The following ABCA4 variants were observed in gnomAD, a reference collection of about 807,000 sequenced individuals.
ABCA4 encodes retinal-specific phospholipid-transporting ATPase ABCA4.
ABCA4 carries 196 observed loss-of-function variants against 263.7 expected under a neutral mutation model. That is an observed-to-expected ratio of 0.74 (90% CI 0.66 to 0.84). The LOEUF (loss-of-function observed/expected upper bound fraction) is 0.84, where lower values mean the gene tolerates loss of function less well. Among genes scored for constraint, ABCA4 ranks in the 40% least tolerant of loss-of-function variants. The probability of loss-of-function intolerance (pLI) is 0.00; values close to 1 mark genes in which losing one functional copy is unlikely to be tolerated. For missense variants in ABCA4, 2,792 were observed against 2,855.1 expected, an observed-to-expected ratio of 0.98 and a Z score of 0.50; for synonymous variants, 1,133 against 1,094.2, an observed-to-expected ratio of 1.04 and a Z score of -0.70.
At chr1:94,061,313 A>C (rs980382287) in intron 13 of ABCA4, 1 of 176,122 alleles carries the variant, frequency 5.7e-6, no homozygotes, top group African/African-American at 2.4e-5. Context: ...CCATCAATAC[A>C]TCAGTTATCC....
chr1:94,036,640 A>C, intron 26 of ABCA4, 100 bp downstream of exon 26: 1 of 1,321,710 alleles, frequency 7.6e-7, no homozygotes, highest in South Asian at 1.2e-5. Flanking sequence ...AATTGCTGGG[A>C]TTACAGGCAT....
chr1:94,035,701 G>T (rs567544161), intron 26 of ABCA4, among the ~76,000 whole-genome samples: 1 of 152,344 alleles, frequency 6.6e-6, no homozygotes, highest in East Asian at 1.9e-4. Context: ...TCGCTGCAAA[G>T]CTTTGCCTGT....
chr1:94,018,057 G>A (rs570837879), intron 36 of ABCA4, among the ~76,000 whole-genome samples: 197 of 152,260 alleles, frequency 1.3e-3, no homozygotes, highest in Non-Finnish European at 2.4e-3. Context: ...GCATCAGAAA[G>A]CCTGCTAACA....
chr1:93,996,114 C>T lies in ABCA4; in HGVS notation c.6811G>A (p.Ala2271Thr). 1 of 1,613,914 alleles carries T rather than the reference C, an allele frequency of 6.2e-7. No homozygotes were observed. Among genetic ancestry groups the T allele is most frequent in the East Asian group, 2.2e-5 (1 of 44,876 alleles). ...HPRAAGASRQAQD is the reference protein window; with the variant it reads ...HPRAAGASRQTQD ...TGCATAAGCAGCAGGGGTACCTGGG[C>T]TTGTCGACTGGCTCCAGCAGCTCGA... The change falls in exon 49 of 50, where the codon GCC becomes ACC. Residue 2271 changes from alanine (A) to threonine (T), a missense_variant. Physicochemically the swap from Ala to Thr is moderately conservative, Grantham distance 58. Transcript: ENST00000370225.
At chr1:94,029,729 TAGACCC>T in intron 29 of ABCA4, 98 bp from the exon 30 acceptor site, 1 of 1,156,884 alleles carries the variant, frequency 8.6e-7, no homozygotes, top group Non-Finnish European at 1.3e-6. Context: ...TCCTCCTCTT[TAGACCC>T]AGGCCCTTTC....
Position 94,041,414 on chromosome 1 carries a change from G to A in ABCA4, c.3329-12C>T. The A allele has an allele frequency of 6.2e-7, 1 of 1,613,222 alleles. No individual in the cohort carries two copies. Among genetic ancestry groups the A allele is most frequent in the Non-Finnish European group, 8.5e-7 (1 of 1,179,972 alleles). On this transcript the variant is annotated splice_polypyrimidine_tract_variant and intron_variant, in intron 22 of 49. Coordinates refer to ENST00000370225, the MANE Select transcript of ABCA4 (RefSeq NM_000350.3). ...GATGATGGTTCTGCCTGCAAGGTAG[G>A]GGCCAGGGCAATCACCAGGCCTGCC...
At chr1:94,112,855 G>C (rs1358933652) in intron 2 of ABCA4, 118 bp downstream of exon 2, 1 of 783,924 alleles carries the variant, frequency 1.3e-6, no homozygotes. Flanking sequence ...ATGCATCATA[G>C]ACATGAAATG....
intron 4 of ABCA4, 96 bp from the exon 5 acceptor site, chr1:94,103,238 C>G: frequency 1.4e-6 from 2 of 1,481,098 alleles, no homozygotes; most frequent in Middle Eastern, 1.7e-4. Flanking sequence ...TGTAACTCAA[C>G]TCTCAGAGGA....
chr1:94,004,804 A>G (rs890663897), intron 44 of ABCA4, among the ~76,000 whole-genome samples: 4 of 152,086 alleles, frequency 2.6e-5, no homozygotes, highest in Non-Finnish European at 5.9e-5. Context: ...TTGATCACCA[A>G]ATTCATTGTT....
intron 24 of ABCA4, 97 bp from the exon 25 acceptor site, chr1:94,037,447 G>T: frequency 9.1e-7 from 1 of 1,098,324 alleles, no homozygotes; most frequent in Non-Finnish European, 1.4e-6. Flanking sequence ...CTTCCCCTTT[G>T]AAGAAGAGGT....
At chr1:94,091,716 G>A (rs1184273724) in intron 6 of ABCA4, among the ~76,000 whole-genome samples, 2 of 152,016 alleles carry the variant, frequency 1.3e-5, no homozygotes, top group South Asian at 2.1e-4. Context: ...ACTGCCAGCC[G>A]AAGTTCAAGG....
chr1:94,046,240 C>T lies in ABCA4; in HGVS notation c.2918+679G>A, dbSNP rs144016328. ...GGCAGATCACCTGAGGTCAGGAGTT[C>T]GAGACCAGCCTGGCCAACATGGTGA... On this transcript the variant is annotated intron_variant, in intron 19 of 49. Transcript: ENST00000370225. 6.9e-3 allele frequency among the ~76,000 whole-genome samples: 942 copies of T among 136,104 alleles called. 10 individuals are homozygous for T. The highest frequency in any genetic ancestry group is 0.024 in the African/African-American group (864 of 36,284). 89.3% of individuals were successfully genotyped at this position (136,104 alleles called of 152,430 possible).
At position 94,021,303 on chromosome 1, in the gene ABCA4, T is replaced by C; in HGVS notation, c.4955A>G (p.Tyr1652Cys). 3 of 1,614,222 alleles carry C rather than the reference T, an allele frequency of 1.9e-6. No homozygotes were observed. The highest frequency in any genetic ancestry group is 2.5e-6 in the Non-Finnish European group (3 of 1,180,044). The part of the protein sequence containing the change: ...SLPKDRSPEE[Y>C]GITVISQPLN... ...GGGTTGGCTAATGACGGTGATTCCA[T>C]ACTCCTCGGGGCTCCTGTCCTTAGG... The change falls in exon 35 of 50, where the codon TAT becomes TGT. Residue 1652 changes from tyrosine to cysteine, a missense_variant. Physicochemically the swap from Tyr to Cys is radical, Grantham distance 194. Transcript: ENST00000370225.
At chr1:94,047,911 T>C (rs1660731073) in intron 18 of ABCA4, among the ~76,000 whole-genome samples, 1 of 152,222 alleles carries the variant, frequency 6.6e-6, no homozygotes, top group Admixed American at 6.5e-5. Flanking sequence ...TAATTTGTCA[T>C]CTTAATACTG....
chr1:94,037,936 A>G (rs1660387541), intron 24 of ABCA4, among the ~76,000 whole-genome samples: 1 of 152,076 alleles, frequency 6.6e-6, no homozygotes, highest in South Asian at 2.1e-4. Context: ...AGTTGTTTTC[A>G]TTTTTCTGGT....
rs915630885 is a variant in ABCA4 at position 94,102,964 on chromosome 1, CT to C, written c.570+50del. 2.5e-6 allele frequency: 4 copies of C among 1,613,242 alleles called. No individual in the cohort carries two copies. In the African/African-American group the frequency reaches 5.3e-5, roughly 22 times the overall value. On this transcript the variant is annotated intron_variant, in intron 5 of 49. Coordinates refer to ENST00000370225, the MANE Select transcript of ABCA4 (RefSeq NM_000350.3). ...CAATATATTTCTTGCCTTTCTCAGG[CT>C]GGGTGCTTCCCTCCCCTCCAGGGAC... is the stretch of plus-strand genomic sequence containing the variant.
intron 4 of ABCA4, among the ~76,000 whole-genome samples, chr1:94,107,248 CT>C (rs1459926592): frequency 2.0e-5 from 3 of 152,176 alleles, no homozygotes; most frequent in Non-Finnish European, 4.4e-5. Context: ...CCAGAAGCCC[CT>C]AACAGCTGCT....
chr1:94,060,411 G>A, intron 14 of ABCA4, 126 bp downstream of exon 14: 1 of 887,356 alleles, frequency 1.1e-6, no homozygotes, highest in East Asian at 2.5e-5. Flanking sequence ...CTAAAAGGAA[G>A]GGCTGGGAAG....
At chr1:94,072,268 A>G (rs1157461363) in intron 11 of ABCA4, among the ~76,000 whole-genome samples, 1 of 152,240 alleles carries the variant, frequency 6.6e-6, no homozygotes, top group Non-Finnish European at 1.5e-5. Context: ...TAATGAATGC[A>G]TGTTTTTTCA....
Sources: gnomAD v4.1 joint callset for allele counts (sites outside exome capture counted in the v4.1 genomes callset) on GRCh38, gnomAD v4.1.1 for gene constraint, MANE v1.5 for transcripts, NCBI Gene and HGNC (gene_info 2026-07-23, HGNC 2026-07-21) for gene names.